The following NRCAM variants were observed in gnomAD, a reference collection of about 807,000 sequenced individuals.
NRCAM encodes the protein neuronal cell adhesion molecule.
NRCAM carries 83 observed loss-of-function variants against 156.5 expected under a neutral mutation model. The observed-to-expected ratio is 0.53, with a 90% confidence interval of 0.44 to 0.64. The LOEUF (loss-of-function observed/expected upper bound fraction) is 0.64, where lower values mean the gene tolerates loss of function less well. Ranked by LOEUF, NRCAM falls within the 30% of genes least tolerant of loss-of-function variation. The pLI, the probability that NRCAM is intolerant of heterozygous loss-of-function variation, is 0.00. For synonymous variants in NRCAM, 538 were observed against 563.9 expected (o/e 0.95, Z 0.65); for missense variants, 1,417 against 1,597.3 (o/e 0.89, Z 1.92).
At chr7:108,400,303 A>G (rs1193716148) in intron 1 of NRCAM, among the ~76,000 whole-genome samples, 1 of 152,240 alleles carries the variant, frequency 6.6e-6, no homozygotes, top group African/African-American at 2.4e-5. Flanking sequence ...AATGCTTCAA[A>G]AAGCTTCTTT....
At chr7:108,450,839 C>G (rs1238293733) in intron 1 of NRCAM, among the ~76,000 whole-genome samples, 1 of 152,150 alleles carries the variant, frequency 6.6e-6, no homozygotes, top group Non-Finnish European at 1.5e-5. Context: ...AACCATATAC[C>G]TCCATATTAA....
intron 22 of NRCAM, among the ~76,000 whole-genome samples, chr7:108,183,410 C>CTCCA (rs2064673382): frequency 6.6e-6 from 1 of 151,546 alleles, no homozygotes; most frequent in African/African-American, 2.4e-5. Context: ...GCATGTATGG[C>CTCCA]TCTAAAATAG....
intron 1 of NRCAM, among the ~76,000 whole-genome samples, chr7:108,407,425 A>G (rs1467865282): frequency 6.6e-6 from 1 of 152,202 alleles, no homozygotes; most frequent in Admixed American, 6.5e-5. Flanking sequence ...AGATTGTTAT[A>G]TGGAATCTGA....
intron 3 of NRCAM, among the ~76,000 whole-genome samples, chr7:108,250,813 T>C (rs1447358456): frequency 2.6e-5 from 4 of 152,326 alleles, no homozygotes; most frequent in African/African-American, 9.6e-5. Flanking sequence ...TAACCCATTT[T>C]ACATGATGTG....
intron 4 of NRCAM, among the ~76,000 whole-genome samples, chr7:108,238,112 G>A (rs2095254677): frequency 6.6e-6 from 1 of 152,190 alleles, no homozygotes; most frequent in Non-Finnish European, 1.5e-5. Context: ...AAAAACAGCT[G>A]AAATCTACAA....
At chr7:108,444,481 CAGA>C (rs1842281326) in intron 1 of NRCAM, among the ~76,000 whole-genome samples, 1 of 152,076 alleles carries the variant, frequency 6.6e-6, no homozygotes, top group African/African-American at 2.4e-5. Context: ...GCTTACACAA[CAGA>C]AGTTTATTAT....
chr7:108,326,287 T>G (rs1052889857), intron 2 of NRCAM, among the ~76,000 whole-genome samples: 2 of 152,200 alleles, frequency 1.3e-5, no homozygotes, highest in African/African-American at 4.8e-5. Flanking sequence ...CAAAGACAAC[T>G]GATGTGAATA....
chr7:108,358,197 C>T (rs552123574), intron 2 of NRCAM, among the ~76,000 whole-genome samples: 1 of 144,382 alleles, frequency 6.9e-6, no homozygotes, highest in Non-Finnish European at 1.5e-5. Flanking sequence ...CACTCGAGCC[C>T]AGGAGTTCAA....
At chr7:108,229,045 T>A (rs2093933917) in intron 8 of NRCAM, among the ~76,000 whole-genome samples, 1 of 152,360 alleles carries the variant, frequency 6.6e-6, no homozygotes, top group East Asian at 1.9e-4. Flanking sequence ...GTATATGTCT[T>A]GTGAGTGCAC....
chr7:108,191,846 C>T lies in NRCAM; in HGVS notation c.1786G>A (p.Val596Ile). 1 of 1,613,358 alleles carries T rather than the reference C, an allele frequency of 6.2e-7. No individual in the cohort carries two copies. Among genetic ancestry groups the T allele is most frequent in the Non-Finnish European group, 8.5e-7 (1 of 1,179,896 alleles). Reference protein sequence around the residue: ...RELPSDERFTVDKDHLVVADV... With the variant: ...RELPSDERFTIDKDHLVVADV... Reference sequence around the variant, plus strand: ...GCTACCACTAGATGATCCTTGTCAACAGTGAACCTGTGGATAGAATGCATT... The same window carrying T: ...GCTACCACTAGATGATCCTTGTCAATAGTGAACCTGTGGATAGAATGCATT... The change falls in exon 18 of 33, where the codon GTT (valine) becomes ATT (isoleucine). Residue 596 changes from valine (V) to isoleucine (I), a missense_variant. Val to Ile is a conservative substitution (Grantham distance 29). This residue lies in a region of NRCAM where 1,238 missense variants were observed against 1,336.4 expected (regional missense o/e 0.93). Transcript: ENST00000379028.
At chr7:108,267,707 C>G (rs1332381075) in intron 3 of NRCAM, among the ~76,000 whole-genome samples, 2 of 152,144 alleles carry the variant, frequency 1.3e-5, no homozygotes, top group African/African-American at 4.8e-5. Flanking sequence ...CAATCCCAGA[C>G]AGAATATAAA....
intron 29 of NRCAM, 148 bp from the exon 30 acceptor site, chr7:108,167,221 A>C: frequency 1.6e-6 from 1 of 615,048 alleles, no homozygotes; most frequent in Non-Finnish European, 2.8e-6. Flanking sequence ...AAATGTAGTC[A>C]TGTCAAACAA....
intron 6 of NRCAM, 69 bp downstream of exon 6, chr7:108,234,514 A>G: frequency 1.0e-6 from 1 of 989,412 alleles, no homozygotes; most frequent in Non-Finnish European, 1.6e-6. Flanking sequence ...ATTCCCAAAC[A>G]TATTTCTCTA....
chr7:108,348,619 A>T (rs139297270), intron 2 of NRCAM, among the ~76,000 whole-genome samples: 1 of 152,264 alleles, frequency 6.6e-6, no homozygotes, highest in East Asian at 1.9e-4. Flanking sequence ...AGTTTGCAGA[A>T]AATAAGAATT....
chr7:108,315,790 T>C lies in NRCAM; in HGVS notation c.-173-3059A>G, dbSNP rs1013662989. ...CTTGCAGGTGAACCAATGTGGATCATGCTTTACCTTTCAGAGAAATTAACA... is the reference window on the plus strand; with the variant it reads ...CTTGCAGGTGAACCAATGTGGATCACGCTTTACCTTTCAGAGAAATTAACA... On this transcript the variant is annotated intron_variant, in intron 2 of 32. Transcript: ENST00000379028. Among the ~76,000 whole-genome samples, 3 of 152,242 alleles carry C rather than the reference T, an allele frequency of 2.0e-5. No individual in the cohort carries two copies. In the East Asian group the frequency reaches 5.8e-4, roughly 29 times the overall value.
chr7:108,257,078 G>C (rs2096709853), intron 3 of NRCAM, among the ~76,000 whole-genome samples: 1 of 146,988 alleles, frequency 6.8e-6, no homozygotes, highest in South Asian at 2.2e-4. Flanking sequence ...GAAGAAAGAA[G>C]GAAGGAAGGA....
At chr7:108,416,136 C>T (rs1461307424) in intron 1 of NRCAM, among the ~76,000 whole-genome samples, 1 of 152,206 alleles carries the variant, frequency 6.6e-6, no homozygotes, top group African/African-American at 2.4e-5. Context: ...GTGAGCCCAT[C>T]CCTCCAGATC....
chr7:108,456,579 C>T (rs1281126813), upstream of NRCAM: 3 of 152,394 alleles, frequency 2.0e-5, no homozygotes, highest in South Asian at 2.1e-4. Flanking sequence ...CGCCTCCTCC[C>T]CTCCTGGCCA....
intron 11 of NRCAM, among the ~76,000 whole-genome samples, chr7:108,223,441 C>T (rs2092813160): frequency 6.6e-6 from 1 of 152,042 alleles, no homozygotes; most frequent in Non-Finnish European, 1.5e-5. Flanking sequence ...TTTTAAGATA[C>T]TACTACTATA....
Sources: allele counts gnomAD v4.1 joint callset (sites outside exome capture counted in the v4.1 genomes callset), GRCh38; gene constraint gnomAD v4.1.1; regional missense constraint gnomAD v4.1.1; transcripts MANE v1.5; gene names NCBI Gene and HGNC (gene_info 2026-07-23, HGNC 2026-07-21).